CHST11: variants seen among roughly 807,000 people sequenced by gnomAD.
The protein encoded by CHST11 is C4S-1.
Under a neutral mutation model 30.4 loss-of-function variants are expected in CHST11, and 9 were observed. The observed-to-expected ratio is 0.30, with a 90% CI of 0.18 to 0.52. CHST11 has a LOEUF of 0.52. Among genes scored for constraint, CHST11 ranks in the 20% least tolerant of loss-of-function variants. The probability of loss-of-function intolerance (pLI) is 0.97; values close to 1 mark genes in which losing one functional copy is unlikely to be tolerated. For synonymous variants in CHST11, 152 were observed against 187.8 expected (o/e 0.81, Z 1.56); for missense variants, 348 against 460.6 (o/e 0.76, Z 2.24).
intron 1 of CHST11, among the ~76,000 whole-genome samples, chr12:104,475,658 TTA>T (rs67453124): frequency 0.073 from 2,492 of 34,028 alleles, 124 homozygotes; most frequent in African/African-American, 0.11. Flanking sequence ...TAAAGCAGCA[TTA>T]TATATATATA....
intron 1 of CHST11, among the ~76,000 whole-genome samples, chr12:104,513,138 T>TGGGGGGGGGGGGGGGGGGGGGGGGGG (rs1565969843): frequency 9.0e-4 from 3 of 3,340 alleles, no homozygotes; most frequent in African/African-American, 1.4e-3. Context: ...GGGGGGGGGG[T>TGGGGGGGGGGGGGGGGGGGGGGGGGG]TGGGGGTGGG....
At chr12:104,573,973 C>T (rs1450496799) in intron 1 of CHST11, among the ~76,000 whole-genome samples, 1 of 151,984 alleles carries the variant, frequency 6.6e-6, no homozygotes, top group Non-Finnish European at 1.5e-5. Context: ...TGACAGAGGG[C>T]TAATATCCAG....
intron 1 of CHST11, among the ~76,000 whole-genome samples, chr12:104,597,756 C>T (rs1045649740): frequency 6.6e-6 from 1 of 152,170 alleles, no homozygotes; most frequent in African/African-American, 2.4e-5. Context: ...TAATAGTTTG[C>T]CATCACAGCA....
chr12:104,665,812 C>CTTTTTTTTT (rs59199522), intron 2 of CHST11, among the ~76,000 whole-genome samples: 6 of 78,848 alleles, frequency 7.6e-5, no homozygotes, highest in Non-Finnish European at 1.1e-4. Flanking sequence ...CTCTCTGTCT[C>CTTTTTTTTT]TTTTTTTTTT....
intron 2 of CHST11, among the ~76,000 whole-genome samples, chr12:104,687,216 A>G (rs543757636): frequency 7.2e-5 from 11 of 152,312 alleles, no homozygotes; most frequent in South Asian, 2.1e-4. Flanking sequence ...TTCTGGAACT[A>G]TTTTGTTTTT....
At position 104,591,198 on chromosome 12, in the gene CHST11, T is replaced by TG. The variant is rs1220759721; in HGVS notation, c.119-10702dup. Among the ~76,000 whole-genome samples, 11 of 152,136 alleles carry TG rather than the reference T, an allele frequency of 7.2e-5. No individual in the cohort carries two copies. In the East Asian group the frequency reaches 1.9e-3, roughly 27 times the overall value. ...GGCAGAGGCAGGCGGGGCTATATCATGGGGGGCCTCTGGGCCGTGGAAAGA... is the reference window on the plus strand; with the variant it reads ...GGCAGAGGCAGGCGGGGCTATATCATGGGGGGGCCTCTGGGCCGTGGAAAGA... On this transcript the variant is annotated intron_variant, in intron 1 of 2. Coordinates refer to ENST00000303694, the MANE Select transcript of CHST11 (RefSeq NM_018413.6).
Position 104,756,866 on chromosome 12 carries a change from G to A in CHST11, c.205-83G>A, listed in dbSNP as rs878886071. On this transcript the variant is annotated intron_variant, in intron 2 of 2. Coordinates refer to ENST00000303694, the MANE Select transcript of CHST11 (RefSeq NM_018413.6). The stretch of plus-strand genomic sequence containing the variant: ...CCAGCTTAGATATGTGTTTGAACGG[G>A]TGGATTTATGATCTACTTGTAGCCA... 399 of 1,485,348 alleles carry A rather than the reference G, an allele frequency of 2.7e-4. 1 individual carries two copies. Among genetic ancestry groups the A allele is most frequent in the South Asian group, 1.4e-3 (111 of 78,756 alleles). The allele number at this position is 1,485,348 out of a possible 1,614,324, so 92.0% of individuals were successfully genotyped here.
chr12:104,657,410 C>T (rs530690338), intron 2 of CHST11, among the ~76,000 whole-genome samples: 1 of 152,174 alleles, frequency 6.6e-6, no homozygotes, highest in Admixed American at 6.5e-5. Context: ...CTTTAACAGC[C>T]GTTCATGGAG....
At chr12:104,649,420 G>A (rs2039470565) in intron 2 of CHST11, among the ~76,000 whole-genome samples, 1 of 152,116 alleles carries the variant, frequency 6.6e-6, no homozygotes, top group South Asian at 2.1e-4. Context: ...TTAGGCACAT[G>A]TTATTATGAG....
intron 1 of CHST11, among the ~76,000 whole-genome samples, chr12:104,475,162 G>A (rs2037544984): frequency 1.3e-5 from 2 of 152,136 alleles, no homozygotes; most frequent in Non-Finnish European, 2.9e-5. Context: ...TGTTCATGCA[G>A]TATGAACTGT....
chr12:104,542,743 G>A (rs75439255), intron 1 of CHST11, among the ~76,000 whole-genome samples: 2,463 of 152,296 alleles, frequency 0.016, 118 homozygotes, highest in East Asian at 0.15. Context: ...ACCTTTTAGT[G>A]CCTTTTGGTT....
intron 1 of CHST11, among the ~76,000 whole-genome samples, chr12:104,557,867 G>A (rs1003525841): frequency 3.3e-5 from 5 of 152,288 alleles, no homozygotes; most frequent in African/African-American, 9.6e-5. Flanking sequence ...GTGGGCTGGA[G>A]CAATCAGAGA....
At chr12:104,756,657 C>G (rs1300435404) in intron 2 of CHST11, among the ~76,000 whole-genome samples, 1 of 152,008 alleles carries the variant, frequency 6.6e-6, no homozygotes, top group East Asian at 1.9e-4. Context: ...AAGTGATTCT[C>G]CTGCTTCAGC....
At chr12:104,714,705 C>T (rs1487005596) in intron 2 of CHST11, among the ~76,000 whole-genome samples, 1 of 151,980 alleles carries the variant, frequency 6.6e-6, no homozygotes, top group Non-Finnish European at 1.5e-5. Flanking sequence ...ACAGCACAGC[C>T]CAGCGTAGTG....
rs2037354707 is a variant in CHST11 at position 104,457,049 on chromosome 12, C to T, written c.-363C>T. 5.6e-6 allele frequency: 1 copy of T among 178,590 alleles called. No homozygotes were observed. The highest frequency in any genetic ancestry group is 1.2e-5 in the Non-Finnish European group (1 of 86,032). The allele number at this position is 178,590 out of a possible 1,614,324, so 11.1% of individuals were successfully genotyped here. A position where few individuals can be genotyped will look rare whatever the true frequency, so the allele number is the denominator to read the frequency against. On this transcript the variant is annotated 5_prime_UTR_variant, in exon 1 of 3. Coordinates refer to ENST00000303694, the MANE Select transcript of CHST11 (RefSeq NM_018413.6). Reference sequence around the variant, plus strand: ...CCCGTCGGACAGCCACAGCGGCCAGCGCAGCGGCAGCGGCGGCGGCACCAC... The same window carrying T: ...CCCGTCGGACAGCCACAGCGGCCAGTGCAGCGGCAGCGGCGGCGGCACCAC...
At chr12:104,579,767 C>G (rs573355672) in intron 1 of CHST11, among the ~76,000 whole-genome samples, 3 of 152,244 alleles carry the variant, frequency 2.0e-5, no homozygotes, top group African/African-American at 7.2e-5. Flanking sequence ...CCCACTACAC[C>G]CAACCAGCTT....
intron 1 of CHST11, among the ~76,000 whole-genome samples, chr12:104,582,002 A>G (rs886711192): frequency 6.6e-6 from 1 of 152,206 alleles, no homozygotes; most frequent in Admixed American, 6.5e-5. Context: ...AAAGGAAGTA[A>G]GGGATGCACT....
intron 2 of CHST11, among the ~76,000 whole-genome samples, chr12:104,680,970 A>G (rs558305108): frequency 1.7e-4 from 26 of 152,346 alleles, no homozygotes; most frequent in African/African-American, 6.0e-4. Flanking sequence ...CTGGACCTCA[A>G]TAACACTGGG....
intron 2 of CHST11, among the ~76,000 whole-genome samples, chr12:104,624,053 T>C (rs2039187618): frequency 6.6e-6 from 1 of 152,078 alleles, no homozygotes; most frequent in Non-Finnish European, 1.5e-5. Context: ...GCAGCCTTGA[T>C]GGAGGGAAGG....
Sources: gnomAD v4.1 joint callset for allele counts (sites outside exome capture counted in the v4.1 genomes callset) on GRCh38, gnomAD v4.1.1 for gene constraint, MANE v1.5 for transcripts, NCBI Gene and HGNC (gene_info 2026-07-23, HGNC 2026-07-21) for gene names.